UNC13B: variants seen among roughly 807,000 people sequenced by gnomAD.
UNC13B encodes the protein protein unc-13 homolog B.
In UNC13B, 144 loss-of-function variants were observed where a neutral mutation model predicts 211.0. The observed-to-expected ratio is 0.68, with a 90% CI of 0.60 to 0.78. The LOEUF (loss-of-function observed/expected upper bound fraction) is 0.78. Among genes scored for constraint, UNC13B ranks in the 30% least tolerant of loss-of-function variants. The pLI is 0.00. For synonymous variants in UNC13B, 709 were observed against 725.8 expected, an observed-to-expected ratio of 0.98 and a Z score of 0.37; for missense variants, 1,777 against 2,002.0, an observed-to-expected ratio of 0.89 and a Z score of 2.14.
chr9:35,195,818 C>T (rs959877068), intron 1 of UNC13B, among the ~76,000 whole-genome samples: 3 of 152,192 alleles, frequency 2.0e-5, no homozygotes, highest in East Asian at 1.9e-4. Context: ...CCTCCCCCTC[C>T]TTCACAAACA....
intron 1 of UNC13B, among the ~76,000 whole-genome samples, chr9:35,213,028 G>A (rs1347325846): frequency 3.3e-5 from 5 of 152,180 alleles, no homozygotes; most frequent in Non-Finnish European, 5.9e-5. Context: ...CTTTTCTGGT[G>A]GCTGTATAGG....
At chr9:35,178,091 CTGT>C (rs905112899) in intron 1 of UNC13B, among the ~76,000 whole-genome samples, 1 of 152,130 alleles carries the variant, frequency 6.6e-6, no homozygotes, top group African/African-American at 2.4e-5. Context: ...CTTTGTGGAT[CTGT>C]TGTGTGGAGG....
intron 1 of UNC13B, among the ~76,000 whole-genome samples, chr9:35,216,430 ATTGT>A (rs1485992299): frequency 2.0e-5 from 3 of 152,304 alleles, no homozygotes; most frequent in South Asian, 2.1e-4. Context: ...GACTTGCTTG[ATTGT>A]TTATTTGCCT....
At chr9:35,295,375 C>T (rs1247247116) in intron 7 of UNC13B, among the ~76,000 whole-genome samples, 1 of 152,094 alleles carries the variant, frequency 6.6e-6, no homozygotes, top group African/African-American at 2.4e-5. Flanking sequence ...CATTTAAAAG[C>T]AGTTTTTAAT....
intron 11 of UNC13B, among the ~76,000 whole-genome samples, chr9:35,348,441 A>C (rs980761437): frequency 2.6e-5 from 4 of 152,178 alleles, no homozygotes; most frequent in Admixed American, 2.6e-4. Context: ...TTAAAAAGAA[A>C]ACTTCTAGGA....
intron 1 of UNC13B, among the ~76,000 whole-genome samples, chr9:35,195,080 T>A (rs1822862718): frequency 1.4e-4 from 1 of 7,382 alleles, no homozygotes; most frequent in Admixed American, 3.5e-3. Context: ...CCCACCCTAA[T>A]CTTTTTAATG....
intron 7 of UNC13B, among the ~76,000 whole-genome samples, chr9:35,295,031 A>C (rs1829282694): frequency 6.6e-6 from 1 of 152,176 alleles, no homozygotes; most frequent in Admixed American, 6.5e-5. Context: ...CTGGATGGGA[A>C]TTCTGAGCCT....
intron 6 of UNC13B, among the ~76,000 whole-genome samples, chr9:35,247,975 G>C (rs375488099): frequency 6.6e-6 from 1 of 152,042 alleles, no homozygotes; most frequent in African/African-American, 2.4e-5. Flanking sequence ...CTGTGAATCT[G>C]TCTGGTCCTG....
intron 3 of UNC13B, among the ~76,000 whole-genome samples, chr9:35,234,673 A>G (rs1825394238): frequency 6.6e-6 from 1 of 152,198 alleles, no homozygotes; most frequent in Non-Finnish European, 1.5e-5. Context: ...TTTCTACTCC[A>G]AAGCACTAAG....
intron 7 of UNC13B, among the ~76,000 whole-genome samples, chr9:35,287,280 C>G (rs186200384): frequency 6.6e-6 from 1 of 152,036 alleles, no homozygotes. Flanking sequence ...TTACAGGTGC[C>G]CATCGCCATG....
At chr9:35,231,307 G>T in intron 3 of UNC13B, 88 bp downstream of exon 3, 1 of 873,464 alleles carries the variant, frequency 1.1e-6, no homozygotes, top group Non-Finnish European at 1.8e-6. Context: ...AAGATTTTGT[G>T]TATTTTTGAG....
In UNC13B at chr9:35,223,347, C is replaced by G. The variant is rs555198248; in HGVS notation, c.23-4668C>G. The stretch of plus-strand genomic sequence containing the variant: ...GAGTTCTCTTTTCTCTCCATCCAGG[C>G]CAGCATCTGTTATATTTTGTGGTTT... On this transcript the variant is annotated intron_variant, in intron 1 of 39. Transcript: ENST00000635942. Among the ~76,000 whole-genome samples, 3 of 152,292 alleles carry G rather than the reference C, an allele frequency of 2.0e-5. No individual in the cohort carries two copies. The East Asian group carries it at 5.8e-4, about 29-fold the overall frequency.
At chr9:35,235,546 C>G (rs1263414793) in intron 3 of UNC13B, among the ~76,000 whole-genome samples, 1 of 151,180 alleles carries the variant, frequency 6.6e-6, no homozygotes, top group African/African-American at 2.4e-5. Flanking sequence ...TCAAGTGATT[C>G]TTGTGCCTCA....
intron 1 of UNC13B, among the ~76,000 whole-genome samples, chr9:35,223,738 T>C (rs1824687911): frequency 6.6e-6 from 1 of 152,160 alleles, no homozygotes; most frequent in Non-Finnish European, 1.5e-5. Flanking sequence ...AGCCATAAAA[T>C]CTTTGACTAG....
Position 35,405,206 on chromosome 9 carries a change from C to G in UNC13B, c.*1173C>G, listed in dbSNP as rs559563726. The G allele has an allele frequency of 6.6e-6, 1 of 152,662 alleles. No individual in the cohort carries two copies. The highest frequency in any genetic ancestry group is 2.4e-5 in the African/African-American group (1 of 41,526). The allele number at this position is 152,662 out of a possible 1,614,324, so 9.5% of individuals were successfully genotyped here. Reference sequence around the variant, plus strand: ...CAGCCTCCTGGACTTCCTGAGGACTCGACATTGTCCACAGATGTACTGGCC... The same window carrying G: ...CAGCCTCCTGGACTTCCTGAGGACTGGACATTGTCCACAGATGTACTGGCC... On this transcript the variant is annotated 3_prime_UTR_variant, in exon 40 of 40. Transcript: ENST00000635942.
At chr9:35,363,632 A>G (rs756227698) in intron 11 of UNC13B, among the ~76,000 whole-genome samples, 5 of 152,190 alleles carry the variant, frequency 3.3e-5, no homozygotes, top group Non-Finnish European at 5.9e-5. Flanking sequence ...GGCCTTTAAA[A>G]GAGAAAAGAA....
intron 7 of UNC13B, among the ~76,000 whole-genome samples, chr9:35,263,310 T>C (rs1296534229): frequency 6.6e-6 from 1 of 151,034 alleles, no homozygotes; most frequent in African/African-American, 2.4e-5. Flanking sequence ...AAATCATGCT[T>C]TGAATAATAG....
intron 1 of UNC13B, among the ~76,000 whole-genome samples, chr9:35,214,025 A>G (rs1049229564): frequency 2.0e-5 from 3 of 152,216 alleles, no homozygotes; most frequent in Non-Finnish European, 4.4e-5. Context: ...GTAGAACATA[A>G]TCAGACCTTC....
intron 1 of UNC13B, among the ~76,000 whole-genome samples, chr9:35,209,657 C>T (rs1199028434): frequency 1.3e-5 from 2 of 152,176 alleles, no homozygotes; most frequent in Non-Finnish European, 2.9e-5. Context: ...GGATTTTAGG[C>T]ATGGGCCACA....
Sources: allele counts gnomAD v4.1 joint callset (sites outside exome capture counted in the v4.1 genomes callset), GRCh38; gene constraint gnomAD v4.1.1; transcripts MANE v1.5; gene names NCBI Gene and HGNC (gene_info 2026-07-23, HGNC 2026-07-21).